RNF130: variants seen among roughly 807,000 people sequenced by gnomAD.
RNF130 encodes ring finger protein 130, also known as E3 ubiquitin-protein ligase RNF130.
Under a neutral mutation model 44.6 loss-of-function variants are expected in RNF130, and 21 were observed. The ratio of observed to expected loss-of-function variants is 0.47; its 90% CI spans 0.33 to 0.68. The LOEUF is 0.68. Among genes scored for constraint, RNF130 ranks in the 30% least tolerant of loss-of-function variants. The probability of loss-of-function intolerance (pLI) is 0.02; values close to 1 mark genes in which losing one functional copy is unlikely to be tolerated. For missense variants in RNF130, 479 were observed against 560.6 expected, an observed-to-expected ratio of 0.85 and a Z score of 1.47; for synonymous variants, 214 against 210.4, an observed-to-expected ratio of 1.02 and a Z score of -0.15.
At chr5:179,926,078 G>A (rs1008514312) in intron 7 of RNF130, among the ~76,000 whole-genome samples, 3 of 152,180 alleles carry the variant, frequency 2.0e-5, no homozygotes, top group South Asian at 4.1e-4. Context: ...CTTGTGTGGG[G>A]TGGGAGAAAG....
chr5:179,926,412 G>A (rs990478490), intron 7 of RNF130, among the ~76,000 whole-genome samples: 2 of 152,160 alleles, frequency 1.3e-5, no homozygotes, highest in South Asian at 2.1e-4. Flanking sequence ...TTGGGAGGCC[G>A]AGGCAGGCGG....
At chr5:180,004,886 C>T (rs577854394) in intron 3 of RNF130, among the ~76,000 whole-genome samples, 1 of 152,262 alleles carries the variant, frequency 6.6e-6, no homozygotes, top group East Asian at 1.9e-4. Context: ...TGCAAAGTGC[C>T]TTGTAGTCTG....
Position 180,009,283 on chromosome 5 carries a change from A to C in RNF130, c.693+3778T>G, listed in dbSNP as rs1582184285. 3.3e-5 allele frequency among the ~76,000 whole-genome samples: 5 copies of C among 152,344 alleles called. No homozygotes were observed. The South Asian group carries it at 1.0e-3, about 32-fold the overall frequency. Reference sequence around the variant, plus strand: ...TAAAAATTAGAAATTTTTGCTTTTCAAAGACCTTGTTAAGAGGTTGAACAA... The same window carrying C: ...TAAAAATTAGAAATTTTTGCTTTTCCAAGACCTTGTTAAGAGGTTGAACAA... On this transcript the variant is annotated intron_variant, in intron 3 of 8. Transcript: ENST00000521389.
intron 2 of RNF130, among the ~76,000 whole-genome samples, chr5:180,016,280 C>A (rs1763729090): frequency 6.6e-6 from 1 of 152,186 alleles, no homozygotes; most frequent in South Asian, 2.1e-4. Flanking sequence ...GGCTCAAAGA[C>A]CCTGACCTAA....
intron 7 of RNF130, among the ~76,000 whole-genome samples, chr5:179,947,962 C>T (rs556291752): frequency 5.3e-5 from 8 of 152,270 alleles, no homozygotes; most frequent in African/African-American, 1.4e-4. Context: ...TCACTTCCCC[C>T]GTTTTCACCC....
intron 8 of RNF130, among the ~76,000 whole-genome samples, chr5:179,962,252 T>C (rs575565653): frequency 2.0e-5 from 3 of 152,228 alleles, no homozygotes; most frequent in Admixed American, 2.0e-4. Flanking sequence ...TCAACATGTA[T>C]GGCTCACAGA....
At chr5:179,912,214 T>C (rs1014168659) in exon 8 of RNF130, 1 of 152,156 alleles carries the variant, frequency 6.6e-6, no homozygotes, top group African/African-American at 2.4e-5. Flanking sequence ...GGGGCAACTT[T>C]AATATTTTAT....
At chr5:180,016,355 A>G (rs1297317569) in intron 2 of RNF130, among the ~76,000 whole-genome samples, 1 of 152,090 alleles carries the variant, frequency 6.6e-6, no homozygotes, top group Non-Finnish European at 1.5e-5. Context: ...CGCCAAAGGA[A>G]ATGTAGGCTT....
At chr5:179,974,674 C>T (rs182225802) in intron 5 of RNF130, among the ~76,000 whole-genome samples, 16 of 152,298 alleles carry the variant, frequency 1.1e-4, no homozygotes, top group South Asian at 1.0e-3. Context: ...TGACAGCAGA[C>T]GCTGTGGGGC....
intron 1 of RNF130, among the ~76,000 whole-genome samples, chr5:180,055,328 G>A (rs1038600005): frequency 7.3e-6 from 1 of 137,788 alleles, no homozygotes; most frequent in African/African-American, 2.7e-5. Flanking sequence ...TTTTTTCTTT[G>A]AGAAGGAGTC....
intron 3 of RNF130, among the ~76,000 whole-genome samples, chr5:179,993,174 G>A (rs1312934517): frequency 2.0e-5 from 3 of 152,166 alleles, no homozygotes; most frequent in East Asian, 1.9e-4. Context: ...GAATAGTGAC[G>A]CAATAAACAT....
At chr5:179,994,704 G>A (rs1052564830) in intron 3 of RNF130, among the ~76,000 whole-genome samples, 15 of 152,190 alleles carry the variant, frequency 9.9e-5, no homozygotes, top group African/African-American at 3.4e-4. Flanking sequence ...GGGGTGGCAT[G>A]AGCAATGGTG....
intron 2 of RNF130, among the ~76,000 whole-genome samples, chr5:180,018,319 G>GAA (rs1475810170): frequency 6.6e-6 from 1 of 151,042 alleles, no homozygotes; most frequent in Non-Finnish European, 1.5e-5. Context: ...GAAAAGAAAA[G>GAA]AAAAAAAGAA....
Position 179,988,487 on chromosome 5 carries a change from C to G in RNF130, c.694-8287G>C, listed in dbSNP as rs559458891. 6.6e-5 allele frequency among the ~76,000 whole-genome samples: 10 copies of G among 152,298 alleles called. No homozygotes were observed. The South Asian group carries it at 2.1e-3, about 32-fold the overall frequency. ...TTTTCCAGTTCCTTGAGGTGCATAA[C>G]TGGGCTCTTCATTTGAAATATTTCT... On this transcript the variant is annotated intron_variant, in intron 3 of 8. Transcript: ENST00000521389.
At chr5:180,011,135 G>A (rs1475507180) in intron 3 of RNF130, among the ~76,000 whole-genome samples, 1 of 152,130 alleles carries the variant, frequency 6.6e-6, no homozygotes, top group East Asian at 1.9e-4. Context: ...AACACAACAC[G>A]TCGGATAAAC....
intron 2 of RNF130, among the ~76,000 whole-genome samples, chr5:180,037,639 A>C (rs1033802187): frequency 5.9e-5 from 9 of 152,164 alleles, no homozygotes; most frequent in Non-Finnish European, 1.3e-4. Context: ...ACTGAATCAG[A>C]ATTTGCATTT....
chr5:179,985,147 C>A (rs1455613481), intron 3 of RNF130, among the ~76,000 whole-genome samples: 3 of 136,404 alleles, frequency 2.2e-5, no homozygotes, highest in Non-Finnish European at 3.0e-5. Context: ...ACCCTTTACC[C>A]CCTAACTTTT....
At chr5:180,062,260 C>T (rs1263259065) in intron 1 of RNF130, among the ~76,000 whole-genome samples, 2 of 152,004 alleles carry the variant, frequency 1.3e-5, no homozygotes, top group Non-Finnish European at 2.9e-5. Context: ...TGGGGTTTCA[C>T]CATGTTGGTC....
intron 7 of RNF130, among the ~76,000 whole-genome samples, chr5:179,937,420 G>A (rs1761907654): frequency 1.3e-5 from 2 of 152,206 alleles, no homozygotes; most frequent in Non-Finnish European, 2.9e-5. Flanking sequence ...GAAGATGTAT[G>A]AGTGGCTAAC....
Sources: gnomAD v4.1 joint callset for allele counts (sites outside exome capture counted in the v4.1 genomes callset) on GRCh38, gnomAD v4.1.1 for gene constraint, MANE v1.5 for transcripts, NCBI Gene and HGNC (gene_info 2026-07-23, HGNC 2026-07-21) for gene names.